The following SH3PXD2B variants were observed in gnomAD, a reference collection of about 807,000 sequenced individuals.
The protein encoded by SH3PXD2B is SH3 and PX domains 2B.
A neutral mutation model predicts 73.1 loss-of-function variants in SH3PXD2B; 37 were observed. The ratio of observed to expected loss-of-function variants is 0.51; its 90% confidence interval spans 0.39 to 0.67. The LOEUF (loss-of-function observed/expected upper bound fraction) is 0.67, where lower values mean the gene tolerates loss of function less well. Ranked by LOEUF, SH3PXD2B falls within the 30% of genes least tolerant of loss-of-function variation. The pLI, the probability that SH3PXD2B is intolerant of heterozygous loss-of-function variation, is 0.00. For missense variants in SH3PXD2B, 1,053 were observed against 1,197.8 expected (o/e 0.88, Z 1.78); for synonymous variants, 457 against 480.5 (o/e 0.95, Z 0.64).
intron 2 of SH3PXD2B, among the ~76,000 whole-genome samples, chr5:172,411,169 TTTATTTGTTAAG>T (rs1208754955): frequency 6.6e-6 from 1 of 152,230 alleles, no homozygotes; most frequent in Non-Finnish European, 1.5e-5. Context: ...CCTTCTCAAT[TTTATTTGTTAAG>T]ACAATGAAAC....
chr5:172,442,065 C>T (rs1413495736), intron 1 of SH3PXD2B, among the ~76,000 whole-genome samples: 3 of 152,130 alleles, frequency 2.0e-5, no homozygotes, highest in African/African-American at 2.4e-5. Context: ...GACAATTTAC[C>T]GTAATCACTA....
chr5:172,454,024 C>T (rs948303804), intron 1 of SH3PXD2B, among the ~76,000 whole-genome samples: 36 of 151,166 alleles, frequency 2.4e-4, no homozygotes, highest in African/African-American at 8.7e-4. Flanking sequence ...GGTAGAGGAG[C>T]CGCAGGGAGG....
chr5:172,357,721 G>A (rs915917205), intron 8 of SH3PXD2B, among the ~76,000 whole-genome samples: 3 of 152,160 alleles, frequency 2.0e-5, no homozygotes, highest in Non-Finnish European at 2.9e-5. Context: ...AGTGCCTGGC[G>A]GGCCTCACAA....
chr5:172,341,473 CTT>C (rs1038498303), intron 12 of SH3PXD2B, among the ~76,000 whole-genome samples: 4 of 152,146 alleles, frequency 2.6e-5, no homozygotes, highest in African/African-American at 9.7e-5. Flanking sequence ...GCCACTCTCT[CTT>C]GCTCCTGCTC....
intron 1 of SH3PXD2B, among the ~76,000 whole-genome samples, chr5:172,437,577 C>G (rs1759424147): frequency 6.6e-6 from 1 of 152,256 alleles, no homozygotes; most frequent in Non-Finnish European, 1.5e-5. Context: ...TCTCCTGGCC[C>G]CAGGCCAGAG....
intron 4 of SH3PXD2B, 97 bp downstream of exon 4, chr5:172,394,466 G>A (rs980090200): frequency 4.6e-6 from 6 of 1,292,608 alleles, no homozygotes; most frequent in Non-Finnish European, 5.5e-6. Flanking sequence ...CCTTTGAATT[G>A]CACAAATTTT....
intron 6 of SH3PXD2B, among the ~76,000 whole-genome samples, chr5:172,372,885 G>C (rs1757737782): frequency 1.3e-5 from 2 of 152,206 alleles, no homozygotes; most frequent in Admixed American, 6.5e-5. Context: ...ATTGGCTCCA[G>C]GTAAGGTATG....
chr5:172,386,598 T>TTTTTAC (rs1758065507), intron 4 of SH3PXD2B, among the ~76,000 whole-genome samples: 1 of 94,436 alleles, frequency 1.1e-5, no homozygotes, highest in Admixed American at 1.1e-4. Context: ...TTTATTTTTA[T>TTTTTAC]GGCAGGCACA....
intron 10 of SH3PXD2B, 102 bp downstream of exon 10, chr5:172,350,261 A>G: frequency 8.8e-7 from 1 of 1,139,652 alleles, no homozygotes; most frequent in Non-Finnish European, 1.3e-6. Flanking sequence ...ATGGGGGAGC[A>G]GCTGGGCTGC....
At chr5:172,349,636 C>T (rs1018185934) in intron 10 of SH3PXD2B, among the ~76,000 whole-genome samples, 1 of 152,328 alleles carries the variant, frequency 6.6e-6, no homozygotes, top group African/African-American at 2.4e-5. Flanking sequence ...CTGCCGTCTA[C>T]TAGCTGGGGG....
chr5:172,366,212 C>T (rs920423354), intron 6 of SH3PXD2B, among the ~76,000 whole-genome samples: 4 of 152,178 alleles, frequency 2.6e-5, no homozygotes, highest in Admixed American at 6.5e-5. Flanking sequence ...AGTGCTCCAT[C>T]ACCTGGCTTC....
At chr5:172,439,697 C>CACACACAT in intron 1 of SH3PXD2B, among the ~76,000 whole-genome samples, 1 of 90,924 alleles carries the variant, frequency 1.1e-5, no homozygotes, top group Non-Finnish European at 2.2e-5. Flanking sequence ...CGCGCGCACA[C>CACACACAT]ACACACACAC....
downstream of SH3PXD2B, among the ~76,000 whole-genome samples, chr5:172,331,451 A>G (rs1756552989): frequency 6.6e-6 from 1 of 152,176 alleles, no homozygotes; most frequent in Non-Finnish European, 1.5e-5. Context: ...AGAGCCATTG[A>G]TTAGGAAGCG....
At chr5:172,355,638 G>A (rs1757255569) in intron 8 of SH3PXD2B, among the ~76,000 whole-genome samples, 1 of 151,776 alleles carries the variant, frequency 6.6e-6, no homozygotes, top group Non-Finnish European at 1.5e-5. Context: ...TCCGCCTCCC[G>A]GGTTCACGCC....
intron 1 of SH3PXD2B, among the ~76,000 whole-genome samples, chr5:172,434,372 G>A (rs1009321992): frequency 6.6e-6 from 1 of 152,166 alleles, no homozygotes; most frequent in East Asian, 1.9e-4. Context: ...GCACCCCTGG[G>A]TTAGCTGACA....
At chr5:172,427,534 T>A (rs2113474771) in intron 1 of SH3PXD2B, among the ~76,000 whole-genome samples, 1 of 152,214 alleles carries the variant, frequency 6.6e-6, no homozygotes, top group East Asian at 1.9e-4. Flanking sequence ...TTATTTTTTG[T>A]AGAGACAGGG....
chr5:172,454,437 A>G lies in SH3PXD2B; in HGVS notation c.-85T>C. The G allele has an allele frequency of 1.2e-6, 1 of 846,876 alleles. No individual in the cohort carries two copies. Among genetic ancestry groups the G allele is most frequent in the Non-Finnish European group, 1.5e-6 (1 of 667,812 alleles). The allele number at this position is 846,876 out of a possible 1,614,324, so 52.5% of individuals were successfully genotyped here. On this transcript the variant is annotated 5_prime_UTR_variant, in exon 1 of 13. Transcript: ENST00000311601. ...GCGCTGGGGGCGCGCCGCCGCGGGC[A>G]GGGAACCTGGAGCTGAGCGCAATCG...
Position 172,337,414 on chromosome 5 carries a change from G to C in SH3PXD2B, c.*955C>G, listed in dbSNP as rs1756728435. 1 of 979,942 alleles carries C rather than the reference G, an allele frequency of 1.0e-6. No individual in the cohort carries two copies. Among genetic ancestry groups the C allele is most frequent in the Admixed American group, 6.2e-5 (1 of 16,260 alleles). 60.7% of individuals were successfully genotyped at this position (979,942 alleles called of 1,614,324 possible). ...GTGTGTCCTTGGGCACATGGAGCGTGAATTTCCTCATCTATAAAGGGAGGT... is the reference window on the plus strand; with the variant it reads ...GTGTGTCCTTGGGCACATGGAGCGTCAATTTCCTCATCTATAAAGGGAGGT... On this transcript the variant is annotated 3_prime_UTR_variant, in exon 13 of 13. Coordinates refer to ENST00000311601, the MANE Select transcript of SH3PXD2B (RefSeq NM_001017995.3).
At chr5:172,449,151 G>A (rs972566586) in intron 1 of SH3PXD2B, among the ~76,000 whole-genome samples, 14 of 152,190 alleles carry the variant, frequency 9.2e-5, no homozygotes, top group African/African-American at 3.4e-4. Flanking sequence ...TCACTCCAGG[G>A]GCACCATCTA....
Sources: allele counts gnomAD v4.1 joint callset (sites outside exome capture counted in the v4.1 genomes callset), GRCh38; gene constraint gnomAD v4.1.1; transcripts MANE v1.5; gene names NCBI Gene and HGNC (gene_info 2026-07-23, HGNC 2026-07-21).